Variants in ALK observed in about 807,000 individuals in gnomAD.
ALK encodes ALK receptor tyrosine kinase.
A neutral mutation model predicts 163.1 loss-of-function variants in ALK; 74 were observed. The ratio of observed to expected loss-of-function variants is 0.45; its 90% CI spans 0.38 to 0.55. The LOEUF is 0.55. ALK is among the 20% of genes least tolerant of loss of function. ALK has a pLI of 0.00. For synonymous variants in ALK, 960 were observed against 843.2 expected, an observed-to-expected ratio of 1.14 and a Z score of -2.40; for missense variants, 2,063 against 2,105.3, an observed-to-expected ratio of 0.98 and a Z score of 0.39.
chr2:29,855,085 A>T (rs941253731), intron 1 of ALK, among the ~76,000 whole-genome samples: 1 of 152,200 alleles, frequency 6.6e-6, no homozygotes, highest in African/African-American at 2.4e-5. Context: ...TGTCTGTCTT[A>T]CAATGTCACC....
chr2:29,448,376 G>C (rs987524464), intron 4 of ALK, among the ~76,000 whole-genome samples: 5 of 152,190 alleles, frequency 3.3e-5, no homozygotes, highest in Non-Finnish European at 1.5e-5. Flanking sequence ...CTTCTTAATA[G>C]ACTTGAACCT....
intron 2 of ALK, among the ~76,000 whole-genome samples, chr2:29,700,177 C>A (rs7573878): frequency 0.031 from 4,655 of 152,272 alleles, 199 homozygotes; most frequent in African/African-American, 0.097. Flanking sequence ...TCCCAAGAGG[C>A]AGATTTCCTA....
chr2:29,855,541 G>T (rs1297311802), intron 1 of ALK, among the ~76,000 whole-genome samples: 1 of 150,630 alleles, frequency 6.6e-6, no homozygotes, highest in African/African-American at 2.4e-5. Context: ...TTAATTAATT[G>T]GTCAACATTC....
At chr2:29,310,750 G>A (rs548326794) in intron 8 of ALK, among the ~76,000 whole-genome samples, 1 of 152,288 alleles carries the variant, frequency 6.6e-6, no homozygotes, top group South Asian at 2.1e-4. Flanking sequence ...CTCGGGGTCC[G>A]TGTGTGCATC....
intron 1 of ALK, among the ~76,000 whole-genome samples, chr2:29,792,365 C>T (rs973367524): frequency 4.6e-5 from 7 of 152,146 alleles, no homozygotes; most frequent in Middle Eastern, 3.4e-3. Context: ...ATCTCAGTTT[C>T]AGGGGGAGGG....
intron 3 of ALK, among the ~76,000 whole-genome samples, chr2:29,595,399 C>T (rs1225188557): frequency 2.7e-5 from 4 of 150,718 alleles, no homozygotes; most frequent in Admixed American, 1.3e-4. Context: ...CGGCTCACTG[C>T]AAGCTCTGCC....
At chr2:29,252,791 T>G (rs1352691679) in intron 11 of ALK, among the ~76,000 whole-genome samples, 1 of 152,124 alleles carries the variant, frequency 6.6e-6, no homozygotes, top group Non-Finnish European at 1.5e-5. Context: ...AGCCATTCAC[T>G]TTGGGTGTGA....
chr2:29,583,020 GC>G (rs1436705510), intron 3 of ALK, among the ~76,000 whole-genome samples: 1 of 146,908 alleles, frequency 6.8e-6, no homozygotes, highest in Non-Finnish European at 1.5e-5. Context: ...GTGCCACCAT[GC>G]CTGGCTAACT....
intron 3 of ALK, among the ~76,000 whole-genome samples, chr2:29,649,423 G>A (rs1391116653): frequency 1.3e-5 from 2 of 152,014 alleles, no homozygotes; most frequent in Non-Finnish European, 1.5e-5. Flanking sequence ...TTGATCCTTG[G>A]TTGTTCTTTA....
At chr2:29,838,250 A>G (rs183294063) in intron 1 of ALK, among the ~76,000 whole-genome samples, 230 of 152,272 alleles carry the variant, frequency 1.5e-3, no homozygotes, top group Middle Eastern at 6.8e-3. Context: ...TGTAGCATAC[A>G]TGTAATTGGC....
intron 1 of ALK, among the ~76,000 whole-genome samples, chr2:29,750,492 A>G (rs1680326912): frequency 6.6e-6 from 1 of 151,986 alleles, no homozygotes; most frequent in Non-Finnish European, 1.5e-5. Flanking sequence ...GTGAGACCCC[A>G]TCTCTACAAT....
intron 11 of ALK, among the ~76,000 whole-genome samples, chr2:29,269,154 A>G (rs1269315949): frequency 1.3e-5 from 2 of 152,214 alleles, no homozygotes; most frequent in African/African-American, 4.8e-5. Flanking sequence ...TGTGAGAATC[A>G]AATGAAAGAG....
At chr2:29,393,992 C>T (rs1332362213) in intron 4 of ALK, among the ~76,000 whole-genome samples, 1 of 152,112 alleles carries the variant, frequency 6.6e-6, no homozygotes. Context: ...AAAATTATTT[C>T]CATTTTAAGG....
In ALK at chr2:29,704,533, GT is replaced by G. The variant is rs559596353; in HGVS notation, c.788-9520del. Among the ~76,000 whole-genome samples, 17 of 152,266 alleles carry G rather than the reference GT, an allele frequency of 1.1e-4. No homozygotes were observed. The East Asian group carries it at 2.5e-3, about 22-fold the overall frequency. On this transcript the variant is annotated intron_variant, in intron 2 of 28. Transcript: ENST00000389048. The stretch of plus-strand genomic sequence containing the variant: ...TAACAAAAAACAATATCTTAAACAA[GT>G]AGAAAAATTCTGAAAAATCCTATTT...
intron 5 of ALK, among the ~76,000 whole-genome samples, chr2:29,341,120 T>A (rs193050629): frequency 6.6e-6 from 1 of 152,256 alleles, no homozygotes; most frequent in African/African-American, 2.4e-5. Context: ...GAAGCAGGGT[T>A]TATGCTTTGT....
chr2:29,575,393 C>A (rs1305231782), intron 3 of ALK, among the ~76,000 whole-genome samples: 1 of 152,158 alleles, frequency 6.6e-6, no homozygotes, highest in South Asian at 2.1e-4. Flanking sequence ...TAAGTTGCAG[C>A]TGAGGCAGGA....
At chr2:29,890,702 C>A (rs568220010) in intron 1 of ALK, 3 of 151,350 alleles carry the variant, frequency 2.0e-5, no homozygotes, top group South Asian at 2.1e-4. Flanking sequence ...TTCACATATA[C>A]GACTCATCTT....
chr2:29,304,968 A>G (rs1433076271), intron 8 of ALK, among the ~76,000 whole-genome samples: 5 of 152,218 alleles, frequency 3.3e-5, no homozygotes, highest in Non-Finnish European at 7.3e-5. Context: ...GCACCACTCC[A>G]GAGACTCTGA....
At chr2:29,883,133 GA>G (rs1308976985) in intron 1 of ALK, among the ~76,000 whole-genome samples, 2 of 148,974 alleles carry the variant, frequency 1.3e-5, no homozygotes, top group East Asian at 3.9e-4. Flanking sequence ...GAAGGTAAAA[GA>G]AAAAAAGAAA....
Sources: allele counts gnomAD v4.1 joint callset (sites outside exome capture counted in the v4.1 genomes callset), GRCh38; gene constraint gnomAD v4.1.1; transcripts MANE v1.5; gene names NCBI Gene and HGNC (gene_info 2026-07-23, HGNC 2026-07-21).